The following PLCG1 variants were observed in gnomAD, a reference collection of about 807,000 sequenced individuals.
PLCG1 encodes phospholipase C gamma 1.
Under a neutral mutation model 177.8 loss-of-function variants are expected in PLCG1, and 71 were observed. That is an observed-to-expected ratio of 0.40 (90% CI 0.33 to 0.49). PLCG1 has a LOEUF of 0.49. Among genes scored for constraint, PLCG1 ranks in the 20% least tolerant of loss-of-function variants. The probability of loss-of-function intolerance (pLI) is 0.72; values close to 1 mark genes in which losing one functional copy is unlikely to be tolerated. For missense variants in PLCG1, 1,281 were observed against 1,709.0 expected (o/e 0.75, Z 4.42); for synonymous variants, 658 against 647.9 (o/e 1.02, Z -0.24).
Position 41,166,829 on chromosome 20 carries a change from C to T in PLCG1, c.2271C>T (p.Asn757=), listed in dbSNP as rs1419059763. The T allele has an allele frequency of 4.3e-6, 7 of 1,614,120 alleles. No homozygotes were observed. The highest frequency in any genetic ancestry group is 2.2e-5 in the East Asian group (1 of 44,882). The change falls in exon 19 of 32, where the codon AAC becomes AAT. Residue 757 remains asparagine, a synonymous_variant. Transcript: ENST00000685551. This position sits in a 1 kb window ranked among gnomAD's most constrained non-coding sequence, Gnocchi z 8.6. ...YRKMKLRYPI[N]EEALEKIGTA... ...AGATGAAGCTGCGCTATCCCATCAA[C>T]GAGGAGGCACTGGAGAAGATTGGCA...
At chr20:41,141,853 A>C (rs1245745223) in intron 1 of PLCG1, among the ~76,000 whole-genome samples, 2 of 152,168 alleles carry the variant, frequency 1.3e-5, no homozygotes, top group Non-Finnish European at 2.9e-5. Context: ...GGGACCCACA[A>C]CACCTCCAGC....
chr20:41,161,146 A>G (rs2035481876), intron 4 of PLCG1, among the ~76,000 whole-genome samples: 1 of 152,054 alleles, frequency 6.6e-6, no homozygotes, highest in Non-Finnish European at 1.5e-5. Context: ...CTGATCCCAG[A>G]CCACCCCCAT....
In PLCG1 at chr20:41,144,552, C is replaced by A. The variant is rs991903987; in HGVS notation, c.217+6694C>A. Among the ~76,000 whole-genome samples, 2 of 152,192 alleles carry A rather than the reference C, an allele frequency of 1.3e-5. No homozygotes were observed. The highest frequency in any genetic ancestry group is 4.8e-5 in the African/African-American group (2 of 41,446). ...GTAGCCGCTGATTGGGGGTGGGACA[C>A]AGAAGAGCCTCACCCTCTTGACTTT... is the stretch of plus-strand genomic sequence containing the variant. On this transcript the variant is annotated intron_variant, in intron 1 of 31. Coordinates refer to ENST00000685551, the MANE Select transcript of PLCG1 (RefSeq NM_002660.3). This position sits in a 1 kb window ranked among gnomAD's most constrained non-coding sequence, Gnocchi z 4.1.
rs1046270385 is a variant in PLCG1, at chr20:41,144,860, TA to T, written c.217+7011del. On this transcript the variant is annotated intron_variant, in intron 1 of 31. Coordinates refer to ENST00000685551, the MANE Select transcript of PLCG1 (RefSeq NM_002660.3). This position sits in a 1 kb window ranked among gnomAD's most constrained non-coding sequence, Gnocchi z 4.1. Reference sequence around the variant, plus strand: ...TCCATCTCACCATACCTACTCTCCTTAAAAAAAAACAAAAAACTAGCTTTCT... The same window carrying T: ...TCCATCTCACCATACCTACTCTCCTTAAAAAAAACAAAAAACTAGCTTTCT... 2.5e-4 allele frequency among the ~76,000 whole-genome samples: 37 copies of T among 150,366 alleles called. No homozygotes were observed. Among genetic ancestry groups the T allele is most frequent in the Non-Finnish European group, 5.3e-4 (36 of 67,484 alleles).
chr20:41,155,858 T>C (rs1303391852), intron 1 of PLCG1, among the ~76,000 whole-genome samples: 1 of 152,116 alleles, frequency 6.6e-6, no homozygotes, highest in East Asian at 1.9e-4. Flanking sequence ...ATTTCCAGTT[T>C]CCTGATGGGG....
Position 41,174,582 on chromosome 20 carries a change from A to G in PLCG1, c.*73A>G, listed in dbSNP as rs2036005761. 7.2e-7 allele frequency: 1 copy of G among 1,386,866 alleles called. No homozygotes were observed. Among genetic ancestry groups the G allele is most frequent in the Non-Finnish European group, 1.0e-6 (1 of 997,368 alleles). The allele number at this position is 1,386,866 out of a possible 1,614,324, so 85.9% of individuals were successfully genotyped here. On this transcript the variant is annotated 3_prime_UTR_variant, in exon 32 of 32. Transcript: ENST00000685551. This position sits in a 1 kb window ranked among gnomAD's most constrained non-coding sequence, Gnocchi z 5.8. ...GAATGCCGCGAACTGGGTTCTTTGG[A>G]AGCAGCCCCCTGTGGCGGCCTTCCG... is the stretch of plus-strand genomic sequence containing the variant.
Position 41,164,439 on chromosome 20 carries a change from T to A in PLCG1, c.1217+238T>A, listed in dbSNP as rs1312517418. Among the ~76,000 whole-genome samples the A allele has an allele frequency of 6.6e-6, 1 of 152,120 alleles. No homozygotes were observed. The highest frequency in any genetic ancestry group is 2.4e-5 in the African/African-American group (1 of 41,416). On this transcript the variant is annotated intron_variant, in intron 12 of 31. Coordinates refer to ENST00000685551, the MANE Select transcript of PLCG1 (RefSeq NM_002660.3). This position sits in a 1 kb window ranked among gnomAD's most constrained non-coding sequence, Gnocchi z 6.4. The stretch of plus-strand genomic sequence containing the variant: ...TCTCTTCTTCATGGGTCCTTTAGAC[T>A]GTAGAACACATGCTCTTCTCATCTT...
chr20:41,173,294 G>A lies in PLCG1; in HGVS notation c.3280-126G>A. On this transcript the variant is annotated intron_variant, in intron 27 of 31. Coordinates refer to ENST00000685551, the MANE Select transcript of PLCG1 (RefSeq NM_002660.3). The surrounding 1 kb of genome is among the most constrained non-coding windows in gnomAD (Gnocchi z 6.2). ...CCTGATGTCGTGAGGGACTCCATGG[G>A]CAGTGTCCCGGGGGCCCAGCAGAGG... 1.1e-6 allele frequency: 1 copy of A among 922,022 alleles called. No individual in the cohort carries two copies. The highest frequency in any genetic ancestry group is 1.6e-6 in the Non-Finnish European group (1 of 619,816). 57.1% of individuals were successfully genotyped at this position (922,022 alleles called of 1,614,324 possible). A position where few individuals can be genotyped will look rare whatever the true frequency, so the allele number is the denominator to read the frequency against.
rs2035464032 is a variant in PLCG1, at chr20:41,160,608, GGA to G, written c.512+457_512+458del. Reference sequence around the variant, plus strand: ...AAGCCATGGAAGGGTTCTGAGGAGAGGAGTGATGTGACCTGACTTGGGTTACT... The same window carrying G: ...AAGCCATGGAAGGGTTCTGAGGAGAGGTGATGTGACCTGACTTGGGTTACT... On this transcript the variant is annotated intron_variant, in intron 4 of 31. Transcript: ENST00000685551. The surrounding 1 kb of genome is among the most constrained non-coding windows in gnomAD (Gnocchi z 5.5). 6.6e-6 allele frequency among the ~76,000 whole-genome samples: 1 copy of G among 152,196 alleles called. No individual in the cohort carries two copies. Among genetic ancestry groups the G allele is most frequent in the African/African-American group, 2.4e-5 (1 of 41,446 alleles).
chr20:41,162,245 T>TTG, intron 4 of PLCG1: 1 of 299,100 alleles, frequency 3.3e-6, no homozygotes, highest in East Asian at 5.5e-5. Context: ...GTTTTTTTTT[T>TTG]TTTTTTTTTT....
chr20:41,166,788 C>T lies in PLCG1; in HGVS notation c.2230C>T (p.His744Tyr). ...TGACCTCATCAGCTACTATGAGAAA[C>T]ACCCGCTATACCGCAAGATGAAGCT... ...LVDLISYYEK[H>Y]PLYRKMKLRY... Residue 744 changes from histidine (H) to tyrosine (Y), a missense_variant, in exon 19 of 32, where the codon CAC becomes TAC. Coordinates refer to ENST00000685551, the MANE Select transcript of PLCG1 (RefSeq NM_002660.3). This position sits in a 1 kb window ranked among gnomAD's most constrained non-coding sequence, Gnocchi z 8.6. 2 of 1,614,174 alleles carry T rather than the reference C, an allele frequency of 1.2e-6. No individual in the cohort carries two copies. The highest frequency in any genetic ancestry group is 2.2e-5 in the South Asian group (2 of 91,086).
intron 1 of PLCG1, among the ~76,000 whole-genome samples, chr20:41,155,019 T>C (rs2035276010): frequency 6.6e-6 from 1 of 152,230 alleles, no homozygotes; most frequent in Non-Finnish European, 1.5e-5. Flanking sequence ...GAGTAACTGC[T>C]GGTCTCTAAT....
rs750533169 is a variant in PLCG1 at position 41,166,704 on chromosome 20, C to T, written c.2146C>T (p.Arg716Cys). Reference sequence around the variant, plus strand: ...GGCTGAGGGCAAGATCAAGCATTGCCGTGTCCAGCAAGAGGGCCAGACAGT... The same window carrying T: ...GGCTGAGGGCAAGATCAAGCATTGCTGTGTCCAGCAAGAGGGCCAGACAGT... The part of the protein sequence containing the change: ...FRAEGKIKHC[R>C]VQQEGQTVML... The change falls in exon 19 of 32, where the codon CGT becomes TGT. Residue 716 changes from arginine to cysteine, a missense_variant. By Grantham distance (180) the Arg-to-Cys change is radical. Coordinates refer to ENST00000685551, the MANE Select transcript of PLCG1 (RefSeq NM_002660.3). The surrounding 1 kb of genome is among the most constrained non-coding windows in gnomAD (Gnocchi z 8.6). 7 of 1,614,136 alleles carry T rather than the reference C, an allele frequency of 4.3e-6. No homozygotes were observed. Among genetic ancestry groups the T allele is most frequent in the Non-Finnish European group, 5.9e-6 (7 of 1,180,018 alleles).
Position 41,144,470 on chromosome 20 carries a change from G to T in PLCG1, c.217+6612G>T, listed in dbSNP as rs758373138. ...CTGCACTCATCCTTGCCACAACACC[G>T]GTGTCGAGATGCTTGGCCCACCCAG... On this transcript the variant is annotated intron_variant, in intron 1 of 31. Transcript: ENST00000685551. The surrounding 1 kb of genome is among the most constrained non-coding windows in gnomAD (Gnocchi z 4.1). Among the ~76,000 whole-genome samples the T allele has an allele frequency of 3.9e-5, 6 of 152,116 alleles. No homozygotes were observed. The highest frequency in any genetic ancestry group is 7.3e-5 in the Non-Finnish European group (5 of 68,036).
chr20:41,163,717 T>G lies in PLCG1; in HGVS notation c.894T>G (p.Phe298Leu), dbSNP rs2035591026. ...CCCTTCCACATGTTTCTGGACAGTTTGTCACCTTCCTGTTCTCCAAAGAGA... is the reference window on the plus strand; with the variant it reads ...CCCTTCCACATGTTTCTGGACAGTTGGTCACCTTCCTGTTCTCCAAAGAGA... ...IEEPYFFLDE[F>L]VTFLFSKENS... The change falls in exon 10 of 32, where the codon TTT becomes TTG. Residue 298 changes from phenylalanine to leucine, a missense_variant and splice_region_variant. Transcript: ENST00000685551. This position sits in a 1 kb window ranked among gnomAD's most constrained non-coding sequence, Gnocchi z 5.2. 1 of 1,599,466 alleles carries G rather than the reference T, an allele frequency of 6.3e-7. No individual in the cohort carries two copies. The highest frequency in any genetic ancestry group is 1.1e-5 in the South Asian group (1 of 90,790).
intron 1 of PLCG1, among the ~76,000 whole-genome samples, chr20:41,158,317 G>A (rs957252555): frequency 5.9e-5 from 9 of 152,186 alleles, no homozygotes; most frequent in African/African-American, 7.2e-5. Flanking sequence ...ATCTGGCTCC[G>A]AAGTTACCAG....
chr20:41,163,207 G>T lies in PLCG1; in HGVS notation c.721G>T (p.Gly241Trp). Reference protein sequence around the residue: ...PFLEASTLRAGERPELCRVSL... With the variant: ...PFLEASTLRAWERPELCRVSL... Reference sequence around the variant, plus strand: ...GCTTACCTTCTCTCCCTGCAGGGCTGGGGAGCGGCCGGAGCTTTGCCGAGT... The same window carrying T: ...GCTTACCTTCTCTCCCTGCAGGGCTTGGGAGCGGCCGGAGCTTTGCCGAGT... The change falls in exon 8 of 32, where the codon GGG (glycine) becomes TGG (tryptophan). Residue 241 changes from glycine (G) to tryptophan (W), a missense_variant. Physicochemically the swap from Gly to Trp is radical, Grantham distance 184. Transcript: ENST00000685551. This position sits in a 1 kb window ranked among gnomAD's most constrained non-coding sequence, Gnocchi z 5.2. 6.5e-7 allele frequency: 1 copy of T among 1,545,516 alleles called. No homozygotes were observed. Among genetic ancestry groups the T allele is most frequent in the Admixed American group, 2.0e-5 (1 of 50,044 alleles).
chr20:41,145,711 A>G (rs755768058), intron 1 of PLCG1, among the ~76,000 whole-genome samples: 1 of 152,018 alleles, frequency 6.6e-6, no homozygotes, highest in African/African-American at 2.4e-5. Flanking sequence ...GAGAGTAGAG[A>G]AGTGTGAGAA....
In PLCG1 at chr20:41,176,673, T is replaced by C. The variant is rs2036073380; in HGVS notation, c.*2164T>C. Reference sequence around the variant, plus strand: ...CACCTCTCTTGGGCTCTGTAAGACATTGCCTTTGCCTCACTGCAAATGTTT... The same window carrying C: ...CACCTCTCTTGGGCTCTGTAAGACACTGCCTTTGCCTCACTGCAAATGTTT... On this transcript the variant is annotated 3_prime_UTR_variant, in exon 32 of 32. Transcript: ENST00000685551. 1 of 152,148 alleles carries C rather than the reference T, an allele frequency of 6.6e-6. No individual in the cohort carries two copies. The allele number at this position is 152,148 out of a possible 1,614,324, so 9.4% of individuals were successfully genotyped here.
Sources: allele counts gnomAD v4.1 joint callset (sites outside exome capture counted in the v4.1 genomes callset), GRCh38; gene constraint gnomAD v4.1.1; non-coding constraint Gnocchi (gnomAD v3.1); transcripts MANE v1.5; gene names NCBI Gene and HGNC (gene_info 2026-07-23, HGNC 2026-07-21).